ASPM: variants seen among roughly 807,000 people sequenced by gnomAD.
ASPM encodes abnormal spindle-like microcephaly-associated protein.
Under a neutral mutation model 366.4 loss-of-function variants are expected in ASPM, and 256 were observed. The observed-to-expected ratio is 0.70, with a 90% CI of 0.63 to 0.77. The LOEUF is 0.77. ASPM is among the 30% of genes least tolerant of loss of function. ASPM has a pLI of 0.00. For synonymous variants in ASPM, 1,414 were observed against 1,342.9 expected (o/e 1.05, Z -1.16); for missense variants, 4,146 against 4,090.4 (o/e 1.01, Z -0.37).
At position 197,088,241 on chromosome 1, in the gene ASPM, C is replaced by CA; in HGVS notation, c.10161+14_10161+15insT. The CA allele has an allele frequency of 6.2e-7, 1 of 1,609,964 alleles. No homozygotes were observed. Among genetic ancestry groups the CA allele is most frequent in the Non-Finnish European group, 8.5e-7 (1 of 1,177,272 alleles). On this transcript the variant is annotated intron_variant, in intron 26 of 27. Coordinates refer to ENST00000367409, the MANE Select transcript of ASPM (RefSeq NM_018136.5). The stretch of plus-strand genomic sequence containing the variant: ...GAAAAATAATCTTAAAGAAAGGCAA[C>CA]TGACTAATACTTACAGAGGCTCTAT...
In ASPM at chr1:197,103,817, A is replaced by C; in HGVS notation, c.5434T>G (p.Tyr1812Asp). 6.2e-7 allele frequency: 1 copy of C among 1,612,988 alleles called. No individual in the cohort carries two copies. The highest frequency in any genetic ancestry group is 8.5e-7 in the Non-Finnish European group (1 of 1,179,396). The change falls in exon 18 of 28, where the codon TAC (tyrosine) becomes GAC (aspartate). Residue 1812 changes from tyrosine to aspartate, a missense_variant. By Grantham distance (160) the Tyr-to-Asp change is radical (BLOSUM62 -3). Coordinates refer to ENST00000367409, the MANE Select transcript of ASPM (RefSeq NM_018136.5). ...AGCTGGCGTACTTTATAACCTCTGT[A>C]AGCTGCTTGCAAGCAAGTAGCTGCT... ...KKAATCLQAA[Y>D]RGYKVRQLIK...
At position 197,100,435 on chromosome 1, in the gene ASPM, A is replaced by G; in HGVS notation, c.8816T>C (p.Ile2939Thr). The change falls in exon 18 of 28, where the codon ATT (isoleucine) becomes ACT (threonine). Residue 2939 changes from isoleucine to threonine, a missense_variant. Ile to Thr is a moderately conservative substitution (Grantham distance 89, BLOSUM62 -1). Coordinates refer to ENST00000367409, the MANE Select transcript of ASPM (RefSeq NM_018136.5). Reference sequence around the variant, plus strand: ...TTAAATTAAATATAGAAATACCTGAATTTTTATGGTGCTATTTTTAATTTC... The same window carrying G: ...TTAAATTAAATATAGAAATACCTGAGTTTTTATGGTGCTATTTTTAATTTC... The part of the protein sequence containing the change: ...FQEIKNSTIK[I>T]QAMWRRYRAK... 6.6e-7 allele frequency: 1 copy of G among 1,523,852 alleles called. No individual in the cohort carries two copies. The highest frequency in any genetic ancestry group is 2.3e-5 in the East Asian group (1 of 43,490). The allele number at this position is 1,523,852 out of a possible 1,614,324, so 94.4% of individuals were successfully genotyped here.
Position 197,101,269 on chromosome 1 carries a change from A to G in ASPM, c.7982T>C (p.Leu2661Pro), listed in dbSNP as rs752132953. 6.2e-7 allele frequency: 1 copy of G among 1,612,104 alleles called. No homozygotes were observed. Among genetic ancestry groups the G allele is most frequent in the South Asian group, 1.1e-5 (1 of 91,032 alleles). ...VVSIQRRYRK[L>P]TAVRTQAVIC... is the part of the protein sequence containing the mutation. ...AACTGCTTGGGTACGCACTGCAGTT[A>G]GTTTTCTGTATCTTCTTTGAATAGA... The change falls in exon 18 of 28, where the codon CTA (leucine) becomes CCA (proline). Residue 2661 changes from leucine to proline, a missense_variant. Around this residue, in one of 3 missense-constraint regions of ASPM, gnomAD observed 3,624 missense variants for 3,591.7 expected, o/e 1.01. Transcript: ENST00000367409.
intron 4 of ASPM, among the ~76,000 whole-genome samples, chr1:197,137,387 TA>T (rs1279552078): frequency 6.6e-6 from 1 of 152,186 alleles, no homozygotes; most frequent in East Asian, 1.9e-4. Flanking sequence ...TAGTTTCCAT[TA>T]AAAGACCATT....
chr1:197,105,153 T>A lies in ASPM; in HGVS notation c.4098A>T (p.Arg1366Ser). 6.2e-7 allele frequency: 1 copy of A among 1,608,656 alleles called. No individual in the cohort carries two copies. Among genetic ancestry groups the A allele is most frequent in the Non-Finnish European group, 8.5e-7 (1 of 1,176,072 alleles). The change falls in exon 18 of 28, where the codon AGA (arginine) becomes AGT (serine). Residue 1366 changes from arginine (R) to serine (S), a missense_variant. Arg to Ser is a moderately radical substitution (Grantham distance 110). This residue lies in a region of ASPM where 3,624 missense variants were observed against 3,591.7 expected (regional missense o/e 1.01). Coordinates refer to ENST00000367409, the MANE Select transcript of ASPM (RefSeq NM_018136.5). ...TTGAATAATATTTCAATTTCAGAAA[T>A]CTTTGTCTAGTGGAATATCTTCTCC... ...GYWRRYSTRQRFLKLKYYSII... is the reference protein window; with the variant it reads ...GYWRRYSTRQSFLKLKYYSII...
chr1:197,098,479 A>C (rs559542439), intron 18 of ASPM, among the ~76,000 whole-genome samples: 4 of 151,708 alleles, frequency 2.6e-5, no homozygotes, highest in Non-Finnish European at 5.9e-5. Flanking sequence ...AGAGAAAAAA[A>C]TTTTTATAAG....
Position 197,101,278 on chromosome 1 carries a change from T to A in ASPM, c.7973A>T (p.Tyr2658Phe). 1 of 1,612,080 alleles carries A rather than the reference T, an allele frequency of 6.2e-7. No homozygotes were observed. ...GGTACGCACTGCAGTTAGTTTTCTGTATCTTCTTTGAATAGAAACTACTGT... is the reference window on the plus strand; with the variant it reads ...GGTACGCACTGCAGTTAGTTTTCTGAATCTTCTTTGAATAGAAACTACTGT... ...RATVVSIQRR[Y>F]RKLTAVRTQA... Residue 2658 changes from tyrosine to phenylalanine, a missense_variant, in exon 18 of 28, where the codon TAC becomes TTC. Physicochemically the swap from Tyr to Phe is conservative, Grantham distance 22 (BLOSUM62 3). Coordinates refer to ENST00000367409, the MANE Select transcript of ASPM (RefSeq NM_018136.5).
At position 197,100,530 on chromosome 1, in the gene ASPM, T is replaced by C. The variant is rs779523862; in HGVS notation, c.8721A>G (p.Leu2907=). The C allele has an allele frequency of 6.2e-7, 1 of 1,611,410 alleles. No individual in the cohort carries two copies. Among genetic ancestry groups the C allele is most frequent in the Admixed American group, 1.7e-5 (1 of 59,722 alleles). The change falls in exon 18 of 28, where the codon TTA becomes TTG. Residue 2907 remains leucine, a synonymous_variant. Transcript: ENST00000367409. Reference sequence around the variant, plus strand: ...TAATGATAACACTGCTTCTGATCTGTAAATAGACTTGTCTTTGATGTTTTG... The same window carrying C: ...TAATGATAACACTGCTTCTGATCTGCAAATAGACTTGTCTTTGATGTTTTG... ...LSAKHQRQVY[L]QIRSSVIIIQ... is the part of the protein sequence containing the mutation.
chr1:197,092,323 C>G lies in ASPM; in HGVS notation c.9295-267G>C, dbSNP rs192814036. On this transcript the variant is annotated intron_variant, in intron 21 of 27. Transcript: ENST00000367409. ...TAAATAACCATAGCTTCTAATTCAA[C>G]TAGACTGCCCTATTAGAGAAGGGTA... Among the ~76,000 whole-genome samples, 3 of 151,752 alleles carry G rather than the reference C, an allele frequency of 2.0e-5. No individual in the cohort carries two copies. In the East Asian group the frequency reaches 5.8e-4, roughly 29 times the overall value.
intron 6 of ASPM, among the ~76,000 whole-genome samples, chr1:197,133,026 T>A (rs1424847487): frequency 6.6e-6 from 1 of 152,112 alleles, no homozygotes; most frequent in Non-Finnish European, 1.5e-5. Context: ...TTACGCAGGA[T>A]GAATAAATTC....
intron 5 of ASPM, 133 bp downstream of exon 5, chr1:197,134,963 G>T: frequency 1.4e-6 from 1 of 740,196 alleles, no homozygotes; most frequent in Non-Finnish European, 2.2e-6. Context: ...ACCTATACAA[G>T]CATTTAGGCT....
At chr1:197,090,720 G>A (rs555002224) in intron 23 of ASPM, 130 bp downstream of exon 23, 2 of 831,432 alleles carry the variant, frequency 2.4e-6, no homozygotes, top group East Asian at 2.6e-5. Flanking sequence ...GTAGTATAGT[G>A]CTTATGAGTT....
chr1:197,129,095 A>C, intron 9 of ASPM, 92 bp downstream of exon 9: 1 of 1,461,654 alleles, frequency 6.8e-7, no homozygotes, highest in Admixed American at 1.9e-5. Flanking sequence ...TTGGAAAACT[A>C]ATTTTTTTTC....
Position 197,117,898 on chromosome 1 carries a change from GC to G in ASPM, c.3955del (p.Ala1319HisfsTer12). On this transcript the variant is annotated frameshift_variant, in exon 17 of 28. Transcript: ENST00000367409. LOFTEE classifies it high-confidence loss of function. ...KQRLRKRVNA[A>X]LVIQKYWRRV... ...TCGCCAATATTTCTGAATGACGAGT[GC>G]TGCATTAACTCTTTTTCTCAATCTT... 6.2e-7 allele frequency: 1 copy of G among 1,613,054 alleles called. No homozygotes were observed. The highest frequency in any genetic ancestry group is 8.5e-7 in the Non-Finnish European group (1 of 1,179,222).
At position 197,085,213 on chromosome 1, in the gene ASPM, T is replaced by C. The variant is rs140628033; in HGVS notation, c.10332-787A>G. Among the ~76,000 whole-genome samples the C allele has an allele frequency of 7.0e-4, 106 of 152,316 alleles. 1 individual carries two copies. The East Asian group carries it at 0.02, about 29-fold the overall frequency. ...CCATTCCTATACAGCTGCATATTAC[T>C]AAAAATGTTTACACAACCAAGCTGA... On this transcript the variant is annotated intron_variant, in intron 27 of 27. Coordinates refer to ENST00000367409, the MANE Select transcript of ASPM (RefSeq NM_018136.5).
rs760408997 is a variant in ASPM, at chr1:197,089,743, G to GA, written c.9984+186dup. 3.3e-5 allele frequency among the ~76,000 whole-genome samples: 5 copies of GA among 151,794 alleles called. No individual in the cohort carries two copies. The East Asian group carries it at 7.7e-4, about 23-fold the overall frequency. ...TGTTTTTAATATTATAAAGACTGAG[G>GA]AAATAATATAAAAATTGGTACTTAA... On this transcript the variant is annotated intron_variant, in intron 25 of 27. Transcript: ENST00000367409.
In ASPM at chr1:197,096,093, C is replaced by G. The variant is rs201285805; in HGVS notation, c.8892G>C (p.Trp2964Cys). The change falls in exon 19 of 28, where the codon TGG becomes TGC. Residue 2964 changes from tryptophan (W) to cysteine (C), a missense_variant. Coordinates refer to ENST00000367409, the MANE Select transcript of ASPM (RefSeq NM_018136.5). The stretch of plus-strand genomic sequence containing the variant: ...CTTTGTGTGCTCTCCAACATCTATA[C>G]CAGGCTTGAATCTTGCAGGCAGCTT... ...KVKAACKIQA[W>C]YRCWRAHKEY... 6.2e-7 allele frequency: 1 copy of G among 1,609,768 alleles called. No individual in the cohort carries two copies. Among genetic ancestry groups the G allele is most frequent in the Non-Finnish European group, 8.5e-7 (1 of 1,176,764 alleles).
Position 197,084,319 on chromosome 1 carries a change from A to G in ASPM, c.*5T>C, listed in dbSNP as rs1656518581. 1 of 1,592,614 alleles carries G rather than the reference A, an allele frequency of 6.3e-7. No individual in the cohort carries two copies. On this transcript the variant is annotated 3_prime_UTR_variant, in exon 28 of 28. Coordinates refer to ENST00000367409, the MANE Select transcript of ASPM (RefSeq NM_018136.5). ...CACTATACATACTGAAAATGTTTAC[A>G]TTTACTAATAAGGAATGCCAAGCGT...
chr1:197,128,635 G>A lies in ASPM; in HGVS notation c.2791C>T (p.Arg931Ter), dbSNP rs587783227. Reference sequence around the variant, plus strand: ...TCACCTTCACCACTTAGGAAATCTCGTGAAAAAGCCAAAAGGATTTCTTTA... The same window carrying A: ...TCACCTTCACCACTTAGGAAATCTCATGAAAAAGCCAAAAGGATTTCTTTA... The part of the protein sequence containing the change: ...ASKEILLAFS[R>*]DFLSGEGDLS... The change falls in exon 10 of 28, where the codon CGA becomes TGA. Residue 931 changes from arginine to a stop codon, truncating the protein, a stop_gained. Transcript: ENST00000367409. LOFTEE classifies it high-confidence loss of function. 1.9e-5 allele frequency: 31 copies of A among 1,613,200 alleles called. No individual in the cohort carries two copies. The highest frequency in any genetic ancestry group is 2.5e-5 in the Non-Finnish European group (29 of 1,179,548).
Sources: gnomAD v4.1 joint callset for allele counts (sites outside exome capture counted in the v4.1 genomes callset) on GRCh38, gnomAD v4.1.1 for gene constraint, gnomAD v4.1.1 regional missense constraint, MANE v1.5 for transcripts, NCBI Gene and HGNC (gene_info 2026-07-23, HGNC 2026-07-21) for gene names.